The following SCEL variants were observed in gnomAD, a reference collection of about 807,000 sequenced individuals.
SCEL encodes the protein sciellin.
A neutral mutation model predicts 117.6 loss-of-function variants in SCEL; 113 were observed. The ratio of observed to expected loss-of-function variants is 0.96; its 90% CI spans 0.83 to 1.12. The LOEUF (loss-of-function observed/expected upper bound fraction) is 1.12, where lower values mean the gene tolerates loss of function less well. SCEL is among the 50% of genes most tolerant of loss of function. SCEL has a pLI of 0.00. For missense variants in SCEL, 785 were observed against 810.8 expected (o/e 0.97, Z 0.39); for synonymous variants, 270 against 256.2 (o/e 1.05, Z -0.51).
At chr13:77,628,979 G>A (rs191862724) in intron 28 of SCEL, among the ~76,000 whole-genome samples, 1 of 152,252 alleles carries the variant, frequency 6.6e-6, no homozygotes, top group Non-Finnish European at 1.5e-5. Context: ...ATAGGACTGG[G>A]CTTACATTTA....
rs577883298 is a variant in SCEL at position 77,560,350 on chromosome 13, A to G, written c.221+487A>G. 2.9e-4 allele frequency among the ~76,000 whole-genome samples: 44 copies of G among 152,018 alleles called. 1 individual carries two copies. In the South Asian group the frequency reaches 8.6e-3, roughly 30 times the overall value. ...CTACTCCAGGGGCTGAGGTGGAAGA[A>G]TTGCCTGACCTTGGGACATTGAGGC... On this transcript the variant is annotated intron_variant, in intron 4 of 32. Transcript: ENST00000349847.
At chr13:77,539,789 C>T (rs909820874) in intron 1 of SCEL, among the ~76,000 whole-genome samples, 1 of 152,170 alleles carries the variant, frequency 6.6e-6, no homozygotes, top group Non-Finnish European at 1.5e-5. Context: ...CCGCCTCTGC[C>T]TCCCAAAGTG....
At chr13:77,611,662 T>G (rs1479856268) in intron 22 of SCEL, among the ~76,000 whole-genome samples, 1 of 152,230 alleles carries the variant, frequency 6.6e-6, no homozygotes, top group Non-Finnish European at 1.5e-5. Context: ...GTGTGTTTAT[T>G]TCTTTTACTT....
At chr13:77,573,207 A>G (rs1285377012) in intron 9 of SCEL, among the ~76,000 whole-genome samples, 1 of 152,190 alleles carries the variant, frequency 6.6e-6, no homozygotes, top group Non-Finnish European at 1.5e-5. Context: ...ATCTTGGGAT[A>G]TATCAGTGAA....
chr13:77,544,464 C>G, intron 1 of SCEL, among the ~76,000 whole-genome samples: 1 of 152,114 alleles, frequency 6.6e-6, no homozygotes, highest in East Asian at 1.9e-4. Context: ...TGAGAGGACC[C>G]AAAAGATGAT....
chr13:77,624,623 C>T (rs1272531978), intron 27 of SCEL, among the ~76,000 whole-genome samples: 2 of 152,262 alleles, frequency 1.3e-5, no homozygotes, highest in Non-Finnish European at 2.9e-5. Context: ...GGTAATTAAA[C>T]AAAGCCAGGA....
chr13:77,627,958 T>C lies in SCEL; in HGVS notation c.1640T>C (p.Leu547Pro). Residue 547 changes from leucine to proline, a missense_variant, in exon 28 of 33, where the codon CTG (leucine) becomes CCG (proline). Physicochemically the swap from Leu to Pro is moderately conservative, Grantham distance 98 (BLOSUM62 -3). Transcript: ENST00000349847. The part of the protein sequence containing the change: ...ALRNTNRDQN[L>P]ENLIEVNSHV... ...ATTTTTTTCCTTAGAGACCAGAACCTGGAAAATTTAATTGAAGTAAATTCT... is the reference window on the plus strand; with the variant it reads ...ATTTTTTTCCTTAGAGACCAGAACCCGGAAAATTTAATTGAAGTAAATTCT... 1.4e-6 allele frequency: 2 copies of C among 1,470,146 alleles called. No individual in the cohort carries two copies. Among genetic ancestry groups the C allele is most frequent in the Non-Finnish European group, 9.3e-7 (1 of 1,072,850 alleles). The allele number at this position is 1,470,146 out of a possible 1,614,324, so 91.1% of individuals were successfully genotyped here. A position where few individuals can be genotyped will look rare whatever the true frequency, so the allele number is the denominator to read the frequency against.
chr13:77,559,868 GT>G lies in SCEL; in HGVS notation c.221+6del. 6.2e-7 allele frequency: 1 copy of G among 1,611,296 alleles called. No homozygotes were observed. The highest frequency in any genetic ancestry group is 8.5e-7 in the Non-Finnish European group (1 of 1,177,544). On this transcript the variant is annotated splice_donor_region_variant and intron_variant, in intron 4 of 32. Coordinates refer to ENST00000349847, the MANE Select transcript of SCEL (RefSeq NM_144777.3). ...TTCCCATGATGCATTGGACAGGTGG[GT>G]GTTTAGACATGTTACATCATGAGCA...
At chr13:77,588,842 G>A (rs2086706977) in intron 9 of SCEL, among the ~76,000 whole-genome samples, 2 of 152,084 alleles carry the variant, frequency 1.3e-5, no homozygotes, top group Non-Finnish European at 2.9e-5. Context: ...GCCATGACTA[G>A]AGCTAGATAT....
intron 27 of SCEL, among the ~76,000 whole-genome samples, chr13:77,624,064 G>A (rs193137732): frequency 6.6e-6 from 1 of 151,726 alleles, no homozygotes; most frequent in Admixed American, 6.6e-5. Flanking sequence ...ATCTGTGCCA[G>A]GCCTCTCTCC....
At chr13:77,584,758 TTCCTC>T (rs2154399316) in intron 9 of SCEL, among the ~76,000 whole-genome samples, 1 of 152,244 alleles carries the variant, frequency 6.6e-6, no homozygotes, top group African/African-American at 2.4e-5. Flanking sequence ...CCTTCCCCCT[TTCCTC>T]TGCCTCTGGA....
rs2086725896 is a variant in SCEL, at chr13:77,589,135, G to GT, written c.546-5dup. The GT allele has an allele frequency of 6.2e-7, 1 of 1,606,090 alleles. No homozygotes were observed. The highest frequency in any genetic ancestry group is 8.5e-7 in the Non-Finnish European group (1 of 1,173,660). Reference sequence around the variant, plus strand: ...ATGGTGAAATGAACTGCTGTTTTCTGTTTTAAAGGGAACCAGGTGTTCACC... The same window carrying GT: ...ATGGTGAAATGAACTGCTGTTTTCTGTTTTTAAAGGGAACCAGGTGTTCACC... On this transcript the variant is annotated splice_polypyrimidine_tract_variant and intron_variant, in intron 9 of 32. Transcript: ENST00000349847.
At chr13:77,640,171 C>G (rs925748207) in intron 30 of SCEL, among the ~76,000 whole-genome samples, 1 of 152,022 alleles carries the variant, frequency 6.6e-6, no homozygotes, top group Admixed American at 6.6e-5. Flanking sequence ...GACTCTGGCC[C>G]CTACAGTCCC....
chr13:77,642,933 T>A, intron 32 of SCEL, 125 bp downstream of exon 32: 1 of 515,524 alleles, frequency 1.9e-6, no homozygotes. Context: ...ATAATTCAGC[T>A]GCAGATATTT....
intron 11 of SCEL, among the ~76,000 whole-genome samples, chr13:77,593,300 G>GTGTGTGTGCGTC (rs1555510798): frequency 4.8e-5 from 7 of 145,148 alleles, no homozygotes; most frequent in African/African-American, 1.8e-4. Flanking sequence ...GTGTGTGTCT[G>GTGTGTGTGCGTC]TGTGTGTGTG....
At chr13:77,560,222 G>A (rs536008136) in intron 4 of SCEL, among the ~76,000 whole-genome samples, 1 of 151,026 alleles carries the variant, frequency 6.6e-6, no homozygotes, top group South Asian at 2.1e-4. Context: ...CTTGAGCCTA[G>A]GAGTTAGAGA....
chr13:77,596,203 C>T (rs1257907955), intron 12 of SCEL, among the ~76,000 whole-genome samples: 1 of 151,948 alleles, frequency 6.6e-6, no homozygotes, highest in Non-Finnish European at 1.5e-5. Context: ...CATGGTGGTG[C>T]ACACCTTTAG....
At chr13:77,600,821 T>C (rs1390966998) in intron 15 of SCEL, among the ~76,000 whole-genome samples, 9 of 152,372 alleles carry the variant, frequency 5.9e-5, no homozygotes, top group African/African-American at 2.2e-4. Flanking sequence ...TGGTTAGTCA[T>C]GAAATTTGCC....
intron 2 of SCEL, 37 bp from the exon 3 acceptor site, chr13:77,556,559 T>C (rs761453104): frequency 6.4e-7 from 1 of 1,555,776 alleles, no homozygotes; most frequent in South Asian, 1.1e-5. Context: ...AACTCCACAC[T>C]ATTACATCTT....
Sources: gnomAD v4.1 joint callset for allele counts (sites outside exome capture counted in the v4.1 genomes callset) on GRCh38, gnomAD v4.1.1 for gene constraint, MANE v1.5 for transcripts, NCBI Gene and HGNC (gene_info 2026-07-23, HGNC 2026-07-21) for gene names.